USP16: variants seen among roughly 807,000 people sequenced by gnomAD.
USP16 encodes ubiquitin specific peptidase 16, also known as ubiquitin carboxyl-terminal hydrolase 16.
A neutral mutation model predicts 95.9 loss-of-function variants in USP16; 77 were observed. The observed-to-expected ratio is 0.80, with a 90% CI of 0.67 to 0.97. The LOEUF (loss-of-function observed/expected upper bound fraction) is 0.97. Ranked by LOEUF, USP16 falls within the 50% of genes least tolerant of loss-of-function variation. The probability of loss-of-function intolerance (pLI) is 0.00; values close to 1 mark genes in which losing one functional copy is unlikely to be tolerated. For synonymous variants in USP16, 303 were observed against 318.2 expected (o/e 0.95, Z 0.51); for missense variants, 943 against 959.9 (o/e 0.98, Z 0.23).
At position 29,043,611 on chromosome 21, in the gene USP16, G is replaced by A. The variant is rs1367014044; in HGVS notation, c.1356+12G>A. 1 of 1,524,096 alleles carries A rather than the reference G, an allele frequency of 6.6e-7. No individual in the cohort carries two copies. Among genetic ancestry groups the A allele is most frequent in the Non-Finnish European group, 8.8e-7 (1 of 1,142,586 alleles). The allele number at this position is 1,524,096 out of a possible 1,614,324, so 94.4% of individuals were successfully genotyped here. A position where few individuals can be genotyped will look rare whatever the true frequency, so the allele number is the denominator to read the frequency against. The stretch of plus-strand genomic sequence containing the variant: ...AAAAGCAAGCCAAGGTGGGTAATTA[G>A]GAGGAAAATCATATGCTTGTAATTT... On this transcript the variant is annotated intron_variant, in intron 13 of 17. Transcript: ENST00000399976.
At chr21:29,044,341 G>T (rs1029150975) in intron 13 of USP16, among the ~76,000 whole-genome samples, 12 of 151,760 alleles carry the variant, frequency 7.9e-5, no homozygotes, top group African/African-American at 1.7e-4. Context: ...TGCAGTCTTG[G>T]TTTTTTTCCC....
chr21:29,042,800 A>G, intron 12 of USP16: 1 of 285,162 alleles, frequency 3.5e-6, no homozygotes, highest in Non-Finnish European at 6.4e-6. Flanking sequence ...TTATATTAAA[A>G]TTAATACTTA....
At position 29,034,532 on chromosome 21, in the gene USP16, C is replaced by T. The variant is rs111802082; in HGVS notation, c.241-305C>T. Among the ~76,000 whole-genome samples, 1,079 of 152,044 alleles carry T rather than the reference C, an allele frequency of 7.1e-3. 17 individuals carry two copies. Among genetic ancestry groups the T allele is most frequent in the African/African-American group, 0.025 (1,026 of 41,488 alleles). ...TTCACCATGTTGGTCAGGCTGGTCT[C>T]GAACTCCTGACCTCAGGTGATCCCA... is the stretch of plus-strand genomic sequence containing the variant. On this transcript the variant is annotated intron_variant, in intron 3 of 17. Transcript: ENST00000399976.
intron 16 of USP16, 148 bp downstream of exon 16, chr21:29,050,326 G>T: frequency 7.8e-6 from 5 of 641,346 alleles, no homozygotes; most frequent in Non-Finnish European, 1.3e-5. Flanking sequence ...ATAATTTGAA[G>T]ATTAGTGATG....
At chr21:29,035,919 A>C (rs912019271) in intron 4 of USP16, among the ~76,000 whole-genome samples, 2 of 152,152 alleles carry the variant, frequency 1.3e-5, no homozygotes, top group Non-Finnish European at 2.9e-5. Flanking sequence ...CTCCGTCTCA[A>C]AAAAAACCAA....
At chr21:29,050,308 G>A in intron 16 of USP16, 130 bp downstream of exon 16, 1 of 689,592 alleles carries the variant, frequency 1.5e-6, no homozygotes, top group East Asian at 2.9e-5. Context: ...TTTGATCATT[G>A]TACCTTTATA....
In USP16 at chr21:29,048,747, CTTCTT is replaced by C. The variant is rs1601072970; in HGVS notation, c.2012-7_2012-3del. The C allele has an allele frequency of 4.4e-6, 7 of 1,606,706 alleles. No individual in the cohort carries two copies. Among genetic ancestry groups the C allele is most frequent in the Non-Finnish European group, 6.0e-6 (7 of 1,175,718 alleles). On this transcript the variant is annotated splice_polypyrimidine_tract_variant and intron_variant, in intron 14 of 17. Coordinates refer to ENST00000399976, the MANE Select transcript of USP16 (RefSeq NM_006447.3). ...ATGATTTTCTCCCTGTTAAAAATTTCTTCTTTTCTTTAGGTGAAAGGAAGCATGTT... is the reference window on the plus strand; with the variant it reads ...ATGATTTTCTCCCTGTTAAAAATTTCTTCTTTAGGTGAAAGGAAGCATGTT...
At chr21:29,037,228 C>A in intron 5 of USP16, 48 bp from the exon 6 acceptor site, 1 of 1,219,770 alleles carries the variant, frequency 8.2e-7, no homozygotes, top group Non-Finnish European at 1.1e-6. Flanking sequence ...CTTCTGCATT[C>A]GATATGACTG....
intron 16 of USP16, among the ~76,000 whole-genome samples, chr21:29,050,512 A>G (rs2085397846): frequency 6.6e-6 from 1 of 152,238 alleles, no homozygotes; most frequent in Non-Finnish European, 1.5e-5. Context: ...AGTGGTATAC[A>G]CTTAACCCAG....
At chr21:29,034,053 C>T (rs1301989120) in intron 3 of USP16, among the ~76,000 whole-genome samples, 1 of 152,132 alleles carries the variant, frequency 6.6e-6, no homozygotes, top group Non-Finnish European at 1.5e-5. Context: ...AGAGATATGT[C>T]GGGGTCAGAG....
rs1432894212 is a variant in USP16 at position 29,024,726 on chromosome 21, G to C, written c.-93G>C. The C allele has an allele frequency of 3.9e-6, 5 of 1,289,276 alleles. No individual in the cohort carries two copies. The highest frequency in any genetic ancestry group is 4.0e-6 in the Non-Finnish European group (4 of 988,886). The allele number at this position is 1,289,276 out of a possible 1,614,324, so 79.9% of individuals were successfully genotyped here. On this transcript the variant is annotated 5_prime_UTR_variant, in exon 1 of 18. Coordinates refer to ENST00000399976, the MANE Select transcript of USP16 (RefSeq NM_006447.3). ...CACCAGGAGGAAGACGGAGCTGGCT[G>C]CCCAGCCCAAAGGCCCATGAGGGGA...
In USP16 at chr21:29,043,466, T is replaced by C; in HGVS notation, c.1223T>C (p.Val408Ala). Residue 408 changes from valine to alanine, a missense_variant, in exon 13 of 18, where the codon GTG becomes GCG. Coordinates refer to ENST00000399976, the MANE Select transcript of USP16 (RefSeq NM_006447.3). ...SVNDKNLKKT[V>A]EDEDQDSEEE... ...AATGATAAAAATCTGAAAAAGACAG[T>C]GGAGGATGAAGATCAAGATAGTGAG... 6.4e-7 allele frequency: 1 copy of C among 1,573,882 alleles called. No individual in the cohort carries two copies. The highest frequency in any genetic ancestry group is 8.6e-7 in the Non-Finnish European group (1 of 1,164,136).
chr21:29,038,934 A>G lies in USP16; in HGVS notation c.733-92A>G, dbSNP rs73901168. On this transcript the variant is annotated intron_variant, in intron 7 of 17. Transcript: ENST00000399976. Reference sequence around the variant, plus strand: ...TTTAAATGGGGCAGTTCTGTCAGGAACATTGGTAGTATATGTTAACTAATT... The same window carrying G: ...TTTAAATGGGGCAGTTCTGTCAGGAGCATTGGTAGTATATGTTAACTAATT... The G allele has an allele frequency of 2.9e-3, 3,682 of 1,278,948 alleles. 85 individuals carry two copies. In the African/African-American group the frequency reaches 0.048, roughly 17 times the overall value. The allele number at this position is 1,278,948 out of a possible 1,614,324, so 79.2% of individuals were successfully genotyped here.
Position 29,036,253 on chromosome 21 carries a change from CT to C in USP16, c.345-17del. 6.3e-7 allele frequency: 1 copy of C among 1,582,350 alleles called. No homozygotes were observed. The highest frequency in any genetic ancestry group is 1.3e-5 in the African/African-American group (1 of 74,220). ...GTTGTCATTTTGTCATTTTTCATCT[CT>C]GATTTTTGGGTCACAGGTGTTACGT... On this transcript the variant is annotated splice_polypyrimidine_tract_variant and intron_variant, in intron 4 of 17. Coordinates refer to ENST00000399976, the MANE Select transcript of USP16 (RefSeq NM_006447.3).
intron 4 of USP16, among the ~76,000 whole-genome samples, chr21:29,035,608 G>A (rs770406045): frequency 2.0e-5 from 3 of 151,748 alleles, no homozygotes; most frequent in Non-Finnish European, 2.9e-5. Flanking sequence ...TCCTGACCTC[G>A]TGATCCCCTT....
At chr21:29,040,571 A>T in intron 9 of USP16, 38 bp from the exon 10 acceptor site, 1 of 900,734 alleles carries the variant, frequency 1.1e-6, no homozygotes, top group Non-Finnish European at 1.5e-6. Context: ...AAAATTTAAA[A>T]TTTAATAGTA....
chr21:29,043,904 G>T (rs916367987), intron 13 of USP16, among the ~76,000 whole-genome samples: 1 of 151,768 alleles, frequency 6.6e-6, no homozygotes, highest in Non-Finnish European at 1.5e-5. Context: ...AATATATAAA[G>T]GTAAACAATA....
At position 29,025,374 on chromosome 21, in the gene USP16, C is replaced by T. The variant is rs188956304; in HGVS notation, c.-42+597C>T. ...TTTGATTTAGATTTTGTATGGAGTC[C>T]TGCGAAGAGTCATTTCACTAAGACG... On this transcript the variant is annotated intron_variant, in intron 1 of 17. Coordinates refer to ENST00000399976, the MANE Select transcript of USP16 (RefSeq NM_006447.3). 2.0e-3 allele frequency among the ~76,000 whole-genome samples: 310 copies of T among 152,294 alleles called. 3 individuals carry two copies. Among genetic ancestry groups the T allele is most frequent in the African/African-American group, 7.3e-3 (303 of 41,544 alleles).
Position 29,037,253 on chromosome 21 carries a change from C to G in USP16, c.449-23C>G, listed in dbSNP as rs374675365. On this transcript the variant is annotated intron_variant, in intron 5 of 17. Coordinates refer to ENST00000399976, the MANE Select transcript of USP16 (RefSeq NM_006447.3). ...CGATATGACTGTATTACACATTTTG[C>G]TAAATCTTTTCTTTTTTTAAAGCAG... 3 of 1,446,284 alleles carry G rather than the reference C, an allele frequency of 2.1e-6. No individual in the cohort carries two copies. In the African/African-American group the frequency reaches 4.3e-5, roughly 21 times the overall value. The allele number at this position is 1,446,284 out of a possible 1,614,324, so 89.6% of individuals were successfully genotyped here. A position where few individuals can be genotyped will look rare whatever the true frequency, so the allele number is the denominator to read the frequency against.
Sources: allele counts gnomAD v4.1 joint callset (sites outside exome capture counted in the v4.1 genomes callset), GRCh38; gene constraint gnomAD v4.1.1; transcripts MANE v1.5; gene names NCBI Gene and HGNC (gene_info 2026-07-23, HGNC 2026-07-21).